NCAM1: variants seen among roughly 807,000 people sequenced by gnomAD.
The protein encoded by NCAM1 is neural cell adhesion molecule 1, also known as antigen recognized by monoclonal antibody 5.1H11.
A neutral mutation model predicts 109.8 loss-of-function variants in NCAM1; 14 were observed. The ratio of observed to expected loss-of-function variants is 0.13; its 90% CI spans 0.08 to 0.20. NCAM1 has a LOEUF of 0.20. Ranked by LOEUF, NCAM1 falls within the 10% of genes least tolerant of loss-of-function variation. The pLI is 1.00. For synonymous variants in NCAM1, 418 were observed against 442.9 expected (o/e 0.94, Z 0.70); for missense variants, 774 against 1,109.9 (o/e 0.70, Z 4.30).
Position 112,961,541 on chromosome 11 carries a change from C to G in NCAM1, c.-72C>G. 1.0e-6 allele frequency: 1 copy of G among 980,774 alleles called. No homozygotes were observed. Among genetic ancestry groups the G allele is most frequent in the South Asian group, 1.3e-5 (1 of 77,634 alleles). 60.8% of individuals were successfully genotyped at this position (980,774 alleles called of 1,614,324 possible). A position where few individuals can be genotyped will look rare whatever the true frequency, so the allele number is the denominator to read the frequency against. Reference sequence around the variant, plus strand: ...CCTAGGTCTGTCGCTCAGCCGCCGTCCACACTCGCTGCAGGGGGGGGGGCA... The same window carrying G: ...CCTAGGTCTGTCGCTCAGCCGCCGTGCACACTCGCTGCAGGGGGGGGGGCA... On this transcript the variant is annotated 5_prime_UTR_variant, in exon 1 of 20. Coordinates refer to ENST00000316851, the MANE Select transcript of NCAM1 (RefSeq NM_181351.5).
chr11:113,145,092 T>C (rs1555101107), intron 1 of NCAM1, among the ~76,000 whole-genome samples: 1 of 152,216 alleles, frequency 6.6e-6, no homozygotes, highest in African/African-American at 2.4e-5. Flanking sequence ...CATAATACAC[T>C]GATTCAAGCT....
chr11:113,224,541 T>C (rs1248248920), intron 9 of NCAM1, among the ~76,000 whole-genome samples: 1 of 152,186 alleles, frequency 6.6e-6, no homozygotes, highest in Non-Finnish European at 1.5e-5. Flanking sequence ...AGCAGAAACC[T>C]CTGCAGACTT....
rs11316364 is a variant in NCAM1 at position 113,018,182 on chromosome 11, T to TA, written c.52+56528dup. ...TAATTAAAAGAAGTTTTAATTGTGGTAAAAAAAAAACACACACATTACACA... is the reference window on the plus strand; with the variant it reads ...TAATTAAAAGAAGTTTTAATTGTGGTAAAAAAAAAAACACACACATTACACA... On this transcript the variant is annotated intron_variant, in intron 1 of 19. Coordinates refer to ENST00000316851, the MANE Select transcript of NCAM1 (RefSeq NM_181351.5). Among the ~76,000 whole-genome samples the TA allele has an allele frequency of 2.7e-3, 406 of 151,488 alleles. 2 individuals are homozygous for TA. The highest frequency in any genetic ancestry group is 6.6e-3 in the Admixed American group (101 of 15,242).
chr11:113,231,471 C>G (rs933431473), intron 9 of NCAM1, 174 bp from the exon 10 acceptor site: 2 of 864,672 alleles, frequency 2.3e-6, no homozygotes, highest in Non-Finnish European at 3.5e-6. Flanking sequence ...CAGTGCCTCC[C>G]CCATTAGATG....
chr11:113,226,430 G>A (rs1944847450), intron 9 of NCAM1, among the ~76,000 whole-genome samples: 2 of 152,174 alleles, frequency 1.3e-5, no homozygotes, highest in Non-Finnish European at 2.9e-5. Context: ...GATTCATAAA[G>A]GAAGTCCTTA....
At chr11:113,257,200 AGGTGGCCCCCAATATAC>A (rs1360049093) in intron 16 of NCAM1, among the ~76,000 whole-genome samples, 2 of 152,230 alleles carry the variant, frequency 1.3e-5, no homozygotes, top group Non-Finnish European at 2.9e-5. Flanking sequence ...AGGATTGGGC[AGGTGGCCCCCAATATAC>A]CCCTGGAAGC....
intron 1 of NCAM1, among the ~76,000 whole-genome samples, chr11:113,151,435 A>G (rs1942220311): frequency 1.3e-5 from 2 of 151,860 alleles, no homozygotes. Flanking sequence ...AAATATACTC[A>G]CTCCTGGGGA....
intron 1 of NCAM1, among the ~76,000 whole-genome samples, chr11:113,057,591 T>C (rs1484182503): frequency 3.9e-5 from 6 of 151,994 alleles, no homozygotes; most frequent in African/African-American, 1.4e-4. Flanking sequence ...AGGACTACAC[T>C]AGAATGGAGG....
In NCAM1 at chr11:113,276,374, TTG is replaced by T. The variant is rs1946399605; in HGVS notation, c.*991_*992del. On this transcript the variant is annotated 3_prime_UTR_variant, in exon 20 of 20. Transcript: ENST00000316851. ...TTTGCTTTTGAATTTTTGGTTATTT[TTG>T]TGTTTCTTTGGGGGTTAGACCACTT... 6.6e-6 allele frequency: 1 copy of T among 152,604 alleles called. No individual in the cohort carries two copies. Among genetic ancestry groups the T allele is most frequent in the African/African-American group, 2.4e-5 (1 of 41,468 alleles). The allele number at this position is 152,604 out of a possible 1,614,324, so 9.5% of individuals were successfully genotyped here.
rs148083467 is a variant in NCAM1, at chr11:113,211,571, T to C, written c.917-2798T>C. On this transcript the variant is annotated intron_variant, in intron 7 of 19. Transcript: ENST00000316851. The stretch of plus-strand genomic sequence containing the variant: ...CCTACACGTGCCCCTGAAGAAGTTT[T>C]GTCTCTATTGATTCTTGTGATGCTC... 8.1e-3 allele frequency among the ~76,000 whole-genome samples: 1,227 copies of C among 152,300 alleles called. 6 individuals are homozygous for C. The highest frequency in any genetic ancestry group is 0.013 in the Non-Finnish European group (893 of 68,016).
intron 1 of NCAM1, among the ~76,000 whole-genome samples, chr11:113,117,298 AG>A (rs1181253004): frequency 6.6e-6 from 1 of 151,958 alleles, no homozygotes; most frequent in Non-Finnish European, 1.5e-5. Flanking sequence ...TTTCCACTGC[AG>A]GGGTCTTCAG....
chr11:113,169,436 C>T (rs534365028), intron 1 of NCAM1, among the ~76,000 whole-genome samples: 8 of 152,240 alleles, frequency 5.3e-5, no homozygotes, highest in Admixed American at 5.2e-4. Flanking sequence ...GTGGCAGCTC[C>T]TCAAAAATAT....
At chr11:113,155,962 G>A (rs1315876349) in intron 1 of NCAM1, among the ~76,000 whole-genome samples, 2 of 152,128 alleles carry the variant, frequency 1.3e-5, no homozygotes, top group Non-Finnish European at 1.5e-5. Context: ...TGACAAAGGT[G>A]TGCACAAAAG....
At chr11:113,166,775 A>C (rs186468392) in intron 1 of NCAM1, among the ~76,000 whole-genome samples, 1,802 of 152,272 alleles carry the variant, frequency 0.012, 32 homozygotes, top group African/African-American at 0.041. Context: ...CACACACAAA[A>C]AAAAACACTG....
intron 1 of NCAM1, among the ~76,000 whole-genome samples, chr11:113,032,831 T>G (rs1952763060): frequency 6.6e-6 from 1 of 152,212 alleles, no homozygotes; most frequent in Non-Finnish European, 1.5e-5. Context: ...GATTATTTTC[T>G]TATACTTAGC....
At chr11:112,999,872 G>A (rs889356415) in intron 1 of NCAM1, among the ~76,000 whole-genome samples, 1 of 152,152 alleles carries the variant, frequency 6.6e-6, no homozygotes, top group Non-Finnish European at 1.5e-5. Flanking sequence ...CTCACTGTGA[G>A]AAGTAAAGTT....
At position 113,020,378 on chromosome 11, in the gene NCAM1, TACTTAGCTCA is replaced by T. The variant is rs1184630753; in HGVS notation, c.52+58715_52+58724del. The stretch of plus-strand genomic sequence containing the variant: ...TTTCAGTTGGAAGTCATTTCCTCAG[TACTTAGCTCA>T]CCCCTGAGTGTTGCATTCTTAAGGC... On this transcript the variant is annotated intron_variant, in intron 1 of 19. Coordinates refer to ENST00000316851, the MANE Select transcript of NCAM1 (RefSeq NM_181351.5). 5.3e-5 allele frequency among the ~76,000 whole-genome samples: 8 copies of T among 152,262 alleles called. No individual in the cohort carries two copies. The South Asian group carries it at 1.0e-3, about 20-fold the overall frequency.
chr11:113,231,101 A>G, intron 9 of NCAM1: 1 of 1,219,300 alleles, frequency 8.2e-7, no homozygotes, highest in Admixed American at 2.2e-5. Context: ...ACATGTGATT[A>G]TTTCACTTTT....
intron 1 of NCAM1, among the ~76,000 whole-genome samples, chr11:113,059,490 C>T (rs1953841035): frequency 1.3e-5 from 2 of 152,176 alleles, no homozygotes; most frequent in Non-Finnish European, 2.9e-5. Flanking sequence ...TTCACTTGCA[C>T]ATCTGATACC....
Sources: allele counts gnomAD v4.1 joint callset (sites outside exome capture counted in the v4.1 genomes callset), GRCh38; gene constraint gnomAD v4.1.1; transcripts MANE v1.5; gene names NCBI Gene and HGNC (gene_info 2026-07-23, HGNC 2026-07-21).